GUCY2F: variants seen among roughly 807,000 people sequenced by gnomAD.
GUCY2F encodes retinal guanylyl cyclase 2.
GUCY2F carries 61 observed loss-of-function variants against 73.1 expected under a neutral mutation model. The observed-to-expected ratio is 0.83, with a 90% CI of 0.68 to 1.03. GUCY2F has a LOEUF of 1.03. GUCY2F is among the 50% of genes least tolerant of loss of function. GUCY2F has a pLI of 0.00. For missense variants in GUCY2F, 912 were observed against 854.3 expected (o/e 1.07, Z -0.84); for synonymous variants, 331 against 307.8 (o/e 1.08, Z -0.79).
rs369021606 is a variant in GUCY2F at position 109,392,059 on chromosome X, T to C, written c.2633A>G (p.Glu878Gly). ...SLKKGCTVEP[E>G]GFDLVTLYFS... ...GTACAAGGTGACCAAGTCAAAGCCC[T>C]CAGGTTCAACTGTGCAGCCCTTTTT... Residue 878 changes from glutamate (E) to glycine (G), a missense_variant, in exon 14 of 20, where the codon GAG becomes GGG. Coordinates refer to ENST00000218006, the MANE Select transcript of GUCY2F (RefSeq NM_001522.3). The C allele has an allele frequency of 8.3e-7, 1 of 1,209,159 alleles. No individual in the cohort carries two copies. The highest frequency in any genetic ancestry group is 1.7e-5 in the African/African-American group (1 of 57,644).
At chrX:109,446,285 A>G (rs1436716301) in intron 6 of GUCY2F, among the ~76,000 whole-genome samples, 1 of 112,073 alleles carries the variant, frequency 8.9e-6, no homozygotes, top group African/African-American at 3.3e-5. Context: ...TTTAAAGTTC[A>G]TATGGAACCA....
chrX:109,385,814 A>C (rs1178893211), intron 15 of GUCY2F, among the ~76,000 whole-genome samples: 1 of 112,092 alleles, frequency 8.9e-6, no homozygotes, highest in African/African-American at 3.2e-5. Flanking sequence ...TAATCAAAGG[A>C]TATTTTGCAT....
At chrX:109,477,668 T>C (rs1237802874) in intron 1 of GUCY2F, among the ~76,000 whole-genome samples, 1 of 112,166 alleles carries the variant, frequency 8.9e-6, no homozygotes, top group African/African-American at 3.2e-5. Flanking sequence ...AATCCTTAAT[T>C]CTAATCAAAG....
Position 109,475,438 on chromosome X carries a change from G to A in GUCY2F, c.499C>T (p.Arg167Trp), listed in dbSNP as rs763448908. The change falls in exon 2 of 20, where the codon CGG becomes TGG. Residue 167 changes from arginine (R) to tryptophan (W), a missense_variant. Coordinates refer to ENST00000218006, the MANE Select transcript of GUCY2F (RefSeq NM_001522.3). ...DNKISYPTFS[R>W]TLPSPIRVLV... is the part of the protein sequence containing the mutation. The stretch of plus-strand genomic sequence containing the variant: ...ACCCGGATGGGAGAAGGGAGTGTCC[G>A]AGAAAAGGTCGGGTAGCTAATTTTA... 7.8e-5 allele frequency: 94 copies of A among 1,209,489 alleles called. 1 individual carries two copies. In the South Asian group the frequency reaches 1.5e-3, roughly 20 times the overall value.
chrX:109,411,997 TG>T (rs1283128042), intron 8 of GUCY2F, among the ~76,000 whole-genome samples: 1 of 112,121 alleles, frequency 8.9e-6, no homozygotes, highest in Non-Finnish European at 1.9e-5. Context: ...GAAAAATGCC[TG>T]CCAGAAAGAA....
chrX:109,399,528 G>T (rs763834244), intron 10 of GUCY2F, among the ~76,000 whole-genome samples: 1 of 112,239 alleles, frequency 8.9e-6, no homozygotes, highest in Admixed American at 9.4e-5. Context: ...TTTCTTGGGT[G>T]GGGGGCACTG....
In GUCY2F at chrX:109,409,127, AC is replaced by A; in HGVS notation, c.1832del (p.Gly611ValfsTer12). 8.8e-7 allele frequency: 1 copy of A among 1,133,025 alleles called. No homozygotes were observed. Among genetic ancestry groups the A allele is most frequent in the Non-Finnish European group, 1.2e-6 (1 of 824,148 alleles). The allele number at this position is 1,133,025 out of a possible 1,213,427, so 93.4% of individuals were successfully genotyped here. A position where few individuals can be genotyped will look rare whatever the true frequency, so the allele number is the denominator to read the frequency against. On this transcript the variant is annotated frameshift_variant, in exon 9 of 20. Coordinates refer to ENST00000218006, the MANE Select transcript of GUCY2F (RefSeq NM_001522.3). LOFTEE classifies it high-confidence loss of function. ...CAAACATCCCCGAATCATAGAAGAAACCCAATAAAGGGTTAATATTCTCATG... is the reference window on the plus strand; with the variant it reads ...CAAACATCCCCGAATCATAGAAGAAACCAATAAAGGGTTAATATTCTCATG... ...LRHENINPLL[G>X]FFYDSGMFAI...
At chrX:109,480,752 T>A (rs1932759539) in intron 1 of GUCY2F, among the ~76,000 whole-genome samples, 1 of 110,492 alleles carries the variant, frequency 9.1e-6, no homozygotes, top group Non-Finnish European at 1.9e-5. Flanking sequence ...CCCTTACATT[T>A]TTTCTGGTAC....
intron 3 of GUCY2F, among the ~76,000 whole-genome samples, chrX:109,460,791 G>T (rs939889820): frequency 6.3e-5 from 7 of 111,488 alleles, no homozygotes; most frequent in African/African-American, 2.3e-4. Context: ...ATTGGAATAG[G>T]AAGACAGAGA....
chrX:109,410,551 C>A (rs951060572), intron 8 of GUCY2F, among the ~76,000 whole-genome samples: 1 of 112,360 alleles, frequency 8.9e-6, no homozygotes, highest in Non-Finnish European at 1.9e-5. Context: ...TGCATGTTCA[C>A]AACATCCAAG....
chrX:109,373,437 T>C (rs968509017), intron 19 of GUCY2F, among the ~76,000 whole-genome samples: 2 of 111,618 alleles, frequency 1.8e-5, no homozygotes, highest in Non-Finnish European at 3.8e-5. Flanking sequence ...TGGGTCCTGA[T>C]AGCAGAAGGA....
At position 109,432,296 on chromosome X, in the gene GUCY2F, A is replaced by C. The variant is rs375053263; in HGVS notation, c.1702-1900T>G. ...ATTTACCTCTTACTACGTTTCCTTC[A>C]TCAAAATCTGCTCTCAGTCAGGGAT... On this transcript the variant is annotated intron_variant, in intron 7 of 19. Coordinates refer to ENST00000218006, the MANE Select transcript of GUCY2F (RefSeq NM_001522.3). Among the ~76,000 whole-genome samples, 10 of 112,099 alleles carry C rather than the reference A, an allele frequency of 8.9e-5. No individual in the cohort carries two copies. In the East Asian group the frequency reaches 1.4e-3, roughly 16 times the overall value.
intron 8 of GUCY2F, among the ~76,000 whole-genome samples, chrX:109,414,400 C>A (rs2147263067): frequency 8.9e-6 from 1 of 111,895 alleles, no homozygotes; most frequent in South Asian, 3.8e-4. Flanking sequence ...TCAACCTACC[C>A]ACTATCTAAC....
intron 8 of GUCY2F, among the ~76,000 whole-genome samples, chrX:109,428,992 G>A (rs893097730): frequency 3.7e-4 from 41 of 111,985 alleles, no homozygotes; most frequent in African/African-American, 1.3e-3. Flanking sequence ...GCCTGTTTTG[G>A]CACCATAATT....
chrX:109,409,392 G>A (rs926033741), intron 8 of GUCY2F, among the ~76,000 whole-genome samples: 2 of 111,363 alleles, frequency 1.8e-5, no homozygotes, highest in South Asian at 3.8e-4. Context: ...AACTAATCAC[G>A]TGATCCCATA....
At chrX:109,426,260 T>C (rs752971882) in intron 8 of GUCY2F, among the ~76,000 whole-genome samples, 19 of 112,140 alleles carry the variant, frequency 1.7e-4, no homozygotes, top group African/African-American at 6.1e-4. Context: ...AACAAGGGCT[T>C]GTGAGTTTGG....
intron 2 of GUCY2F, among the ~76,000 whole-genome samples, chrX:109,466,561 C>T (rs1033429693): frequency 3.6e-5 from 4 of 111,412 alleles, no homozygotes; most frequent in African/African-American, 1.3e-4. Context: ...CAATTTTACC[C>T]TTGGCATGCT....
At chrX:109,464,691 T>C (rs780386752) in intron 3 of GUCY2F, among the ~76,000 whole-genome samples, 2 of 112,541 alleles carry the variant, frequency 1.8e-5, no homozygotes, top group Non-Finnish European at 3.8e-5. Context: ...TTGGGTTCAG[T>C]ATTGGGAAGC....
At chrX:109,468,049 GT>G (rs766090293) in intron 2 of GUCY2F, among the ~76,000 whole-genome samples, 54 of 111,573 alleles carry the variant, frequency 4.8e-4, no homozygotes, top group African/African-American at 1.7e-3. Flanking sequence ...TGAGGCCTTT[GT>G]TGTGGCTGCA....
Sources: gnomAD v4.1 joint callset for allele counts (sites outside exome capture counted in the v4.1 genomes callset) on GRCh38, gnomAD v4.1.1 for gene constraint, MANE v1.5 for transcripts, NCBI Gene and HGNC (gene_info 2026-07-23, HGNC 2026-07-21) for gene names.